SLC6A9: variants seen among roughly 807,000 people sequenced by gnomAD.
SLC6A9 encodes solute carrier family 6 member 9, also known as sodium- and chloride-dependent glycine transporter 1.
Under a neutral mutation model 70.9 loss-of-function variants are expected in SLC6A9, and 31 were observed. That is an observed-to-expected ratio of 0.44 (90% CI 0.33 to 0.59). The LOEUF is 0.59. Ranked by LOEUF, SLC6A9 falls within the 20% of genes least tolerant of loss-of-function variation. The pLI, the probability that SLC6A9 is intolerant of heterozygous loss-of-function variation, is 0.04. For missense variants in SLC6A9, 631 were observed against 845.2 expected (o/e 0.75, Z 3.14); for synonymous variants, 310 against 341.3 (o/e 0.91, Z 1.01).
At chr1:44,017,948 TGTC>T (rs1234667468) in intron 2 of SLC6A9, among the ~76,000 whole-genome samples, 1 of 152,132 alleles carries the variant, frequency 6.6e-6, no homozygotes, top group Non-Finnish European at 1.5e-5. Flanking sequence ...GGTCCAGTGG[TGTC>T]GTCACCATGA....
intron 12 of SLC6A9, among the ~76,000 whole-genome samples, chr1:44,000,200 G>T (rs987236178): frequency 4.6e-5 from 7 of 152,238 alleles, no homozygotes; most frequent in African/African-American, 1.7e-4. Context: ...TGCCATGGTG[G>T]ATTCCTTCCA....
rs192065432 is a variant in SLC6A9 at position 44,016,650 on chromosome 1, C to T, written c.31-5768G>A. ...TGAAACCATGTACCACGTTCCCCTG[C>T]CCCCTCACCCACTCTTCCCATAGGA... On this transcript the variant is annotated intron_variant, in intron 2 of 13. Coordinates refer to ENST00000372310, the MANE Select transcript of SLC6A9 (RefSeq NM_001024845.3). 2.9e-3 allele frequency: 505 copies of T among 171,502 alleles called. 4 individuals are homozygous for T. Among genetic ancestry groups the T allele is most frequent in the South Asian group, 7.9e-3 (52 of 6,572 alleles). The allele number at this position is 171,502 out of a possible 1,614,324, so 10.6% of individuals were successfully genotyped here.
chr1:44,029,992 T>C (rs962384710), intron 1 of SLC6A9, among the ~76,000 whole-genome samples: 1 of 152,136 alleles, frequency 6.6e-6, no homozygotes, highest in Non-Finnish European at 1.5e-5. Flanking sequence ...AGCGGAGAAA[T>C]AGACCGCGCT....
chr1:44,028,864 G>C (rs921687379), intron 1 of SLC6A9, among the ~76,000 whole-genome samples: 1 of 152,184 alleles, frequency 6.6e-6, no homozygotes, highest in Non-Finnish European at 1.5e-5. Flanking sequence ...AGGGGCTCAG[G>C]TTAGGAAGGT....
At chr1:44,010,171 A>T in intron 3 of SLC6A9, 75 bp from the exon 4 acceptor site, 1 of 1,554,120 alleles carries the variant, frequency 6.4e-7, no homozygotes, top group Non-Finnish European at 8.8e-7. Flanking sequence ...CTCAGAACTC[A>T]ACAGCAAAAC....
At chr1:44,012,107 C>G (rs1490838016) in intron 2 of SLC6A9, among the ~76,000 whole-genome samples, 1 of 152,200 alleles carries the variant, frequency 6.6e-6, no homozygotes, top group African/African-American at 2.4e-5. Context: ...AGATGGAGCC[C>G]CGTAGCCTCA....
chr1:44,015,466 T>A (rs2086709849), intron 2 of SLC6A9, among the ~76,000 whole-genome samples: 1 of 152,242 alleles, frequency 6.6e-6, no homozygotes, highest in African/African-American at 2.4e-5. Flanking sequence ...GGTTTGCTCA[T>A]GGGATGAAGT....
At chr1:43,998,984 G>T (rs1026359141) in intron 12 of SLC6A9, among the ~76,000 whole-genome samples, 3 of 150,062 alleles carry the variant, frequency 2.0e-5, no homozygotes, top group East Asian at 2.0e-4. Context: ...GCGGGGGAAG[G>T]GGGGGGGCAG....
At chr1:44,005,087 T>C (rs928371539) in intron 5 of SLC6A9, among the ~76,000 whole-genome samples, 2 of 152,286 alleles carry the variant, frequency 1.3e-5, no homozygotes, top group African/African-American at 4.8e-5. Context: ...CCCAATTTCA[T>C]GGACAAATGA....
At position 43,997,226 on chromosome 1, in the gene SLC6A9, G is replaced by C. The variant is rs1639442942; in HGVS notation, c.*319C>G. 3.0e-6 allele frequency: 1 copy of C among 332,706 alleles called. No individual in the cohort carries two copies. The highest frequency in any genetic ancestry group is 5.6e-6 in the Non-Finnish European group (1 of 179,876). 20.6% of individuals were successfully genotyped at this position (332,706 alleles called of 1,614,324 possible). On this transcript the variant is annotated 3_prime_UTR_variant, in exon 14 of 14. Coordinates refer to ENST00000372310, the MANE Select transcript of SLC6A9 (RefSeq NM_001024845.3). This position sits in a 1 kb window ranked among gnomAD's most constrained non-coding sequence, Gnocchi z 4.4. ...CCACCCAGAACCTCAGCTCAGGGCAGGGTATAAGGGTATCGGAGGCCACGT... is the reference window on the plus strand; with the variant it reads ...CCACCCAGAACCTCAGCTCAGGGCACGGTATAAGGGTATCGGAGGCCACGT...
chr1:44,011,561 C>A (rs1432901952), intron 2 of SLC6A9: 2 of 1,613,606 alleles, frequency 1.2e-6, no homozygotes, highest in South Asian at 2.2e-5. Context: ...GGGAGCTGAC[C>A]TGGGCCATGG....
At chr1:44,031,166 T>TCACACACACACACACACA (rs66939562) in intron 1 of SLC6A9, 140 bp downstream of exon 1, 1 of 148,200 alleles carries the variant, frequency 6.7e-6, no homozygotes, top group East Asian at 2.0e-4. Context: ...ACATGCGCGA[T>TCACACACACACACACACA]CACACACACA....
In SLC6A9 at chr1:44,024,381, G is replaced by T; in HGVS notation, c.-85-19C>A. The T allele has an allele frequency of 6.9e-7, 1 of 1,441,472 alleles. No individual in the cohort carries two copies. The highest frequency in any genetic ancestry group is 9.8e-7 in the Non-Finnish European group (1 of 1,024,486). The allele number at this position is 1,441,472 out of a possible 1,614,324, so 89.3% of individuals were successfully genotyped here. On this transcript the variant is annotated intron_variant, in intron 1 of 13. Transcript: ENST00000372310. ...TCAAGAGCTGTGGAGAGAGCAGAGG[G>T]TGAGGTGAGGACTTGGCCGTGTGGC...
At chr1:44,029,175 A>T (rs935014010) in intron 1 of SLC6A9, among the ~76,000 whole-genome samples, 1 of 152,222 alleles carries the variant, frequency 6.6e-6, no homozygotes, top group South Asian at 2.1e-4. Context: ...TGAGTATCAG[A>T]CAGGACTGTC....
intron 3 of SLC6A9, 46 bp from the exon 4 acceptor site, chr1:44,010,142 T>A (rs1236998582): frequency 1.9e-6 from 3 of 1,608,418 alleles, no homozygotes; most frequent in Non-Finnish European, 2.6e-6. Context: ...CTTGGAGGGA[T>A]CTCACCCTGG....
chr1:44,015,276 G>A (rs973313538), intron 2 of SLC6A9, among the ~76,000 whole-genome samples: 5 of 152,188 alleles, frequency 3.3e-5, no homozygotes, highest in African/African-American at 1.2e-4. Flanking sequence ...CACCCTGGAC[G>A]GTGACTGTGC....
chr1:44,028,630 C>T (rs2087028155), intron 1 of SLC6A9, among the ~76,000 whole-genome samples: 1 of 152,210 alleles, frequency 6.6e-6, no homozygotes, highest in Non-Finnish European at 1.5e-5. Context: ...TGGCAGGCAC[C>T]TGTAATCCCA....
intron 2 of SLC6A9, among the ~76,000 whole-genome samples, chr1:44,023,472 G>A (rs1353856770): frequency 4.6e-5 from 7 of 151,984 alleles, no homozygotes; most frequent in South Asian, 2.1e-4. Flanking sequence ...GTGAAACCCC[G>A]TCTCTACTAA....
chr1:44,008,202 TCTC>T (rs964149744), intron 5 of SLC6A9, 148 bp downstream of exon 5: 4 of 735,546 alleles, frequency 5.4e-6, no homozygotes, highest in African/African-American at 5.3e-5. Flanking sequence ...ATCAGGCTCT[TCTC>T]CTAAACTCTT....
Sources: gnomAD v4.1 joint callset for allele counts (sites outside exome capture counted in the v4.1 genomes callset) on GRCh38, gnomAD v4.1.1 for gene constraint, Gnocchi (gnomAD v3.1) non-coding constraint, MANE v1.5 for transcripts, NCBI Gene and HGNC (gene_info 2026-07-23, HGNC 2026-07-21) for gene names.